Variants in ROS1 observed in about 807,000 individuals in gnomAD.
ROS1 encodes the protein ROS proto-oncogene 1, receptor tyrosine kinase, also known as proto-oncogene tyrosine-protein kinase ROS.
Under a neutral mutation model 273.5 loss-of-function variants are expected in ROS1, and 263 were observed. That is an observed-to-expected ratio of 0.96 (90% CI 0.87 to 1.06). The LOEUF (loss-of-function observed/expected upper bound fraction) is 1.06. Among genes scored for constraint, ROS1 ranks in the 50% least tolerant of loss-of-function variants. The pLI is 0.00. For missense variants in ROS1, 2,833 were observed against 2,751.1 expected, an observed-to-expected ratio of 1.03 and a Z score of -0.67; for synonymous variants, 1,008 against 954.1, an observed-to-expected ratio of 1.06 and a Z score of -1.04.
chr6:117,299,991 C>A (rs1255758878), intron 43 of ROS1, among the ~76,000 whole-genome samples: 2 of 145,316 alleles, frequency 1.4e-5, no homozygotes, highest in Non-Finnish European at 3.0e-5. Flanking sequence ...GGCACGATCT[C>A]GGCTCACTGC....
intron 25 of ROS1, among the ~76,000 whole-genome samples, chr6:117,357,181 G>T (rs1327574143): frequency 6.6e-6 from 1 of 152,058 alleles, no homozygotes; most frequent in Non-Finnish European, 1.5e-5. Context: ...ATATTAAAAG[G>T]CCCACTTAAT....
intron 21 of ROS1, 52 bp from the exon 22 acceptor site, chr6:117,362,917 A>G (rs776220586): frequency 1.2e-5 from 17 of 1,437,574 alleles, no homozygotes; most frequent in Non-Finnish European, 1.6e-5. Flanking sequence ...AATATAAAGA[A>G]TATAAGACTT....
chr6:117,338,801 A>G (rs1261511653), intron 31 of ROS1, among the ~76,000 whole-genome samples: 1 of 152,108 alleles, frequency 6.6e-6, no homozygotes, highest in Non-Finnish European at 1.5e-5. Context: ...CAAGGGTGTC[A>G]GGACTTTCCA....
intron 27 of ROS1, among the ~76,000 whole-genome samples, chr6:117,352,226 A>G (rs370771126): frequency 6.6e-6 from 1 of 151,044 alleles, no homozygotes; most frequent in Non-Finnish European, 1.5e-5. Flanking sequence ...GACTACAGGC[A>G]CCTGCCACTA....
At chr6:117,315,997 A>G (rs927140711) in intron 39 of ROS1, among the ~76,000 whole-genome samples, 1 of 152,192 alleles carries the variant, frequency 6.6e-6, no homozygotes, top group South Asian at 2.1e-4. Flanking sequence ...AAAAACTTAC[A>G]TTAATAACAT....
chr6:117,403,415 C>A (rs1327770264), intron 6 of ROS1, 138 bp from the exon 7 acceptor site: 2 of 837,978 alleles, frequency 2.4e-6, no homozygotes, highest in Non-Finnish European at 3.6e-6. Flanking sequence ...TAGAGCTAAG[C>A]CATTCAGATA....
At chr6:117,351,274 C>T (rs1380794878) in intron 27 of ROS1, among the ~76,000 whole-genome samples, 1 of 152,114 alleles carries the variant, frequency 6.6e-6, no homozygotes, top group Non-Finnish European at 1.5e-5. Context: ...CTGGAGTGGG[C>T]TGGGGTTGGG....
chr6:117,326,730 C>T (rs1465846821), intron 33 of ROS1, among the ~76,000 whole-genome samples: 1 of 152,078 alleles, frequency 6.6e-6, no homozygotes, highest in Non-Finnish European at 1.5e-5. Flanking sequence ...ACCTATAAGA[C>T]AATTATTCCA....
At chr6:117,350,264 C>G (rs997721474) in intron 27 of ROS1, among the ~76,000 whole-genome samples, 6 of 151,918 alleles carry the variant, frequency 3.9e-5, no homozygotes, top group African/African-American at 1.4e-4. Context: ...GTATGGAATT[C>G]TAGGTTAGTG....
chr6:117,402,168 T>C (rs184509901), intron 7 of ROS1, among the ~76,000 whole-genome samples: 234 of 152,282 alleles, frequency 1.5e-3, no homozygotes, highest in African/African-American at 5.3e-3. Context: ...ATCCCTGAGG[T>C]AGACTGGGTC....
At chr6:117,369,499 G>A (rs1233632743) in intron 18 of ROS1, among the ~76,000 whole-genome samples, 9 of 151,974 alleles carry the variant, frequency 5.9e-5, no homozygotes, top group Admixed American at 5.9e-4. Flanking sequence ...GCATGAACCC[G>A]GGAGGCGGAG....
chr6:117,396,625 T>C (rs796276196), intron 8 of ROS1, among the ~76,000 whole-genome samples: 15 of 152,360 alleles, frequency 9.8e-5, no homozygotes, highest in African/African-American at 3.6e-4. Flanking sequence ...TTTTTTCATA[T>C]TGGATTAAAT....
intron 27 of ROS1, among the ~76,000 whole-genome samples, chr6:117,351,259 G>A (rs188554648): frequency 1.1e-4 from 16 of 152,264 alleles, no homozygotes; most frequent in East Asian, 1.9e-4. Context: ...GGTGGGACAC[G>A]ACGGCTGGAG....
chr6:117,316,476 T>C (rs984670782), intron 39 of ROS1, among the ~76,000 whole-genome samples: 1 of 152,106 alleles, frequency 6.6e-6, no homozygotes, highest in Non-Finnish European at 1.5e-5. Context: ...ATCTAAGGTA[T>C]AAGGTAGATT....
At chr6:117,358,158 T>A in intron 24 of ROS1, 149 bp from the exon 25 acceptor site, 1 of 595,148 alleles carries the variant, frequency 1.7e-6, no homozygotes, top group Non-Finnish European at 3.0e-6. Flanking sequence ...CATTGTAACA[T>A]GGGCACTGTT....
intron 37 of ROS1, among the ~76,000 whole-genome samples, chr6:117,318,573 T>A (rs112934888): frequency 0.012 from 1,837 of 152,274 alleles, 10 homozygotes; most frequent in South Asian, 0.029. Flanking sequence ...GTTTTCTCCA[T>A]CTCCTTGCTT....
At chr6:117,386,509 GAACT>G (rs1251175828) in intron 15 of ROS1, among the ~76,000 whole-genome samples, 1 of 152,130 alleles carries the variant, frequency 6.6e-6, no homozygotes, top group Non-Finnish European at 1.5e-5. Context: ...ACCTTATTTA[GAACT>G]CTATGCAGCA....
At chr6:117,397,194 T>G in intron 7 of ROS1, 78 bp from the exon 8 acceptor site, 3 of 1,001,258 alleles carry the variant, frequency 3.0e-6, no homozygotes, top group African/African-American at 3.3e-5. Context: ...GAAAAAAGTC[T>G]TGTTTTTTTT....
intron 41 of ROS1, among the ~76,000 whole-genome samples, chr6:117,309,880 T>C (rs962411451): frequency 2.0e-5 from 3 of 152,084 alleles, no homozygotes. Flanking sequence ...ACAAAACTGA[T>C]TCAGGGAGGA....
Sources: allele counts gnomAD v4.1 joint callset (sites outside exome capture counted in the v4.1 genomes callset), GRCh38; gene constraint gnomAD v4.1.1; transcripts MANE v1.5; gene names NCBI Gene and HGNC (gene_info 2026-07-23, HGNC 2026-07-21).